PTPRN2: variants seen among roughly 807,000 people sequenced by gnomAD.
PTPRN2 encodes the protein receptor-type tyrosine-protein phosphatase N2.
Under a neutral mutation model 118.8 loss-of-function variants are expected in PTPRN2, and 74 were observed. The observed-to-expected ratio is 0.62, with a 90% CI of 0.52 to 0.76. The LOEUF is 0.76. Among genes scored for constraint, PTPRN2 ranks in the 30% least tolerant of loss-of-function variants. The pLI is 0.00. For synonymous variants in PTPRN2, 641 were observed against 608.0 expected (o/e 1.05, Z -0.80); for missense variants, 1,481 against 1,394.4 (o/e 1.06, Z -0.99).
At chr7:158,210,815 G>A (rs1416341085) in intron 3 of PTPRN2, among the ~76,000 whole-genome samples, 2 of 152,138 alleles carry the variant, frequency 1.3e-5, no homozygotes, top group African/African-American at 2.4e-5. Context: ...TGAGATTGAA[G>A]CTGTAATAAA....
chr7:157,917,956 A>AT lies in PTPRN2; in HGVS notation c.1724-19220dup, dbSNP rs538687021. 2.4e-4 allele frequency among the ~76,000 whole-genome samples: 36 copies of AT among 152,172 alleles called. No individual in the cohort carries two copies. The South Asian group carries it at 3.7e-3, about 16-fold the overall frequency. On this transcript the variant is annotated intron_variant, in intron 11 of 22. Transcript: ENST00000389418. ...CAAATTTCAGTGAAATTTGACTAAG[A>AT]TTTTTTTGTATTAAAAGGCATCTGA...
At chr7:157,967,830 T>G (rs1205550662) in intron 11 of PTPRN2, among the ~76,000 whole-genome samples, 1 of 152,134 alleles carries the variant, frequency 6.6e-6, no homozygotes, top group African/African-American at 2.4e-5. Context: ...AAAGGCTGAA[T>G]CCAGGGAGAA....
chr7:158,552,279 A>C (rs927519241), intron 1 of PTPRN2, among the ~76,000 whole-genome samples: 1 of 149,436 alleles, frequency 6.7e-6, no homozygotes, highest in East Asian at 2.0e-4. Flanking sequence ...TAATGCATGC[A>C]TTTGAGCCCC....
chr7:158,567,416 T>C (rs1430391489), intron 1 of PTPRN2, among the ~76,000 whole-genome samples: 2 of 152,196 alleles, frequency 1.3e-5, no homozygotes, highest in African/African-American at 4.8e-5. Context: ...CTATTAGACA[T>C]GATGCAAGCA....
chr7:158,208,159 G>A (rs1021273750), intron 3 of PTPRN2, among the ~76,000 whole-genome samples: 3 of 152,070 alleles, frequency 2.0e-5, no homozygotes, highest in African/African-American at 7.2e-5. Context: ...CTAGAAAATA[G>A]CCTCAAAAAG....
rs904341658 is a variant in PTPRN2 at position 157,801,399 on chromosome 7, G to T, written c.1788+97274C>A. On this transcript the variant is annotated intron_variant, in intron 12 of 22. Transcript: ENST00000389418. This position sits in a 1 kb window ranked among gnomAD's most constrained non-coding sequence, Gnocchi z 4.2. ...TCGAGGTTTATTTATTCACGGAGAG[G>T]CTCTGCATCACGAGAGTGCTGCGTT... Among the ~76,000 whole-genome samples the T allele has an allele frequency of 6.6e-6, 1 of 152,106 alleles. No individual in the cohort carries two copies. The highest frequency in any genetic ancestry group is 2.4e-5 in the African/African-American group (1 of 41,410).
chr7:157,796,334 T>G (rs930546657), intron 12 of PTPRN2, among the ~76,000 whole-genome samples: 1 of 152,238 alleles, frequency 6.6e-6, no homozygotes, highest in Non-Finnish European at 1.5e-5. Context: ...ATCTCACATT[T>G]TACCGGGATG....
chr7:158,224,413 T>C (rs959142225), intron 3 of PTPRN2, among the ~76,000 whole-genome samples: 46 of 152,098 alleles, frequency 3.0e-4, no homozygotes, highest in African/African-American at 1.1e-3. Context: ...TACAATAGAA[T>C]AGAAAACCCA....
intron 3 of PTPRN2, among the ~76,000 whole-genome samples, chr7:158,302,074 A>T (rs547522433): frequency 6.6e-6 from 1 of 152,326 alleles, no homozygotes; most frequent in East Asian, 1.9e-4. Context: ...CAGTTAAACT[A>T]TGATGTGCTA....
At chr7:158,385,099 C>T (rs575672981) in intron 2 of PTPRN2, among the ~76,000 whole-genome samples, 2 of 151,962 alleles carry the variant, frequency 1.3e-5, no homozygotes, top group African/African-American at 4.8e-5. Flanking sequence ...CACACTCCCA[C>T]CAATGCCCCT....
intron 9 of PTPRN2, among the ~76,000 whole-genome samples, chr7:158,115,844 C>T (rs1046276997): frequency 1.3e-5 from 2 of 152,214 alleles, no homozygotes; most frequent in African/African-American, 4.8e-5. Flanking sequence ...TCTGTGTTGC[C>T]TTCAAGGCAT....
At chr7:158,480,611 A>G (rs1385041775) in intron 2 of PTPRN2, among the ~76,000 whole-genome samples, 1 of 152,256 alleles carries the variant, frequency 6.6e-6, no homozygotes, top group African/African-American at 2.4e-5. Flanking sequence ...CTCGTGTAAA[A>G]CAGTTAGCCA....
At chr7:157,959,541 A>G (rs1203142877) in intron 11 of PTPRN2, among the ~76,000 whole-genome samples, 3 of 152,202 alleles carry the variant, frequency 2.0e-5, no homozygotes, top group African/African-American at 7.2e-5. Flanking sequence ...TGGAATAGAC[A>G]TTTCTCCAAA....
rs1032523899 is a variant in PTPRN2 at position 158,475,277 on chromosome 7, G to A, written c.163+14458C>T. On this transcript the variant is annotated intron_variant, in intron 2 of 22. Coordinates refer to ENST00000389418, the MANE Select transcript of PTPRN2 (RefSeq NM_002847.5). ...TCCCCGGCTTCCCCTGTCTAGGGAG[G>A]CCCCGAAGGGCCCTGAGGACTCCCC... Among the ~76,000 whole-genome samples the A allele has an allele frequency of 5.4e-4, 77 of 141,454 alleles. 1 individual carries two copies. The highest frequency in any genetic ancestry group is 2.3e-3 in the African/African-American group (76 of 32,360). The allele number at this position is 141,454 out of a possible 152,430, so 92.8% of individuals were successfully genotyped here.
chr7:158,112,276 T>C (rs933130387), intron 9 of PTPRN2, among the ~76,000 whole-genome samples: 1 of 152,156 alleles, frequency 6.6e-6, no homozygotes, highest in Non-Finnish European at 1.5e-5. Flanking sequence ...GGAGAGACTG[T>C]CTTGTAAAGT....
intron 12 of PTPRN2, among the ~76,000 whole-genome samples, chr7:157,844,749 T>C (rs1181112140): frequency 1.3e-5 from 2 of 152,194 alleles, no homozygotes; most frequent in African/African-American, 4.8e-5. Flanking sequence ...CACTGAGTTC[T>C]CAGGACTGGT....
intron 3 of PTPRN2, among the ~76,000 whole-genome samples, chr7:158,296,164 T>C (rs1019953409): frequency 3.9e-5 from 6 of 152,050 alleles, no homozygotes; most frequent in Admixed American, 3.9e-4. Flanking sequence ...CATGCCTCTA[T>C]CCTGTGCCTA....
chr7:157,811,543 C>G lies in PTPRN2; in HGVS notation c.1788+87130G>C, dbSNP rs550432135. On this transcript the variant is annotated intron_variant, in intron 12 of 22. Coordinates refer to ENST00000389418, the MANE Select transcript of PTPRN2 (RefSeq NM_002847.5). ...GGGCTGGCACCCAAATCCTAAGAAC[C>G]CTGGCCAAATATACAGGATTTAATG... 2.0e-4 allele frequency among the ~76,000 whole-genome samples: 31 copies of G among 152,104 alleles called. 1 individual carries two copies. In the South Asian group the frequency reaches 5.6e-3, roughly 28 times the overall value.
At chr7:158,373,952 C>A (rs111735303) in intron 2 of PTPRN2, among the ~76,000 whole-genome samples, 6 of 152,230 alleles carry the variant, frequency 3.9e-5, no homozygotes, top group Non-Finnish European at 7.3e-5. Flanking sequence ...CTCAAATGCA[C>A]AGATGAGAAG....
Sources: allele counts gnomAD v4.1 joint callset (sites outside exome capture counted in the v4.1 genomes callset), GRCh38; gene constraint gnomAD v4.1.1; non-coding constraint Gnocchi (gnomAD v3.1); transcripts MANE v1.5; gene names NCBI Gene and HGNC (gene_info 2026-07-23, HGNC 2026-07-21).